Variants in RPGRIP1L observed in about 807,000 individuals in gnomAD.
RPGRIP1L encodes the protein protein fantom.
A neutral mutation model predicts 160.4 loss-of-function variants in RPGRIP1L; 131 were observed. The ratio of observed to expected loss-of-function variants is 0.82; its 90% CI spans 0.71 to 0.94. The LOEUF (loss-of-function observed/expected upper bound fraction) is 0.94. Among genes scored for constraint, RPGRIP1L ranks in the 40% least tolerant of loss-of-function variants. RPGRIP1L has a pLI of 0.00. For missense variants in RPGRIP1L, 1,522 were observed against 1,535.8 expected, an observed-to-expected ratio of 0.99 and a Z score of 0.15; for synonymous variants, 510 against 515.8, an observed-to-expected ratio of 0.99 and a Z score of 0.15.
chr16:53,660,147 G>A (rs1967649857), intron 10 of RPGRIP1L, among the ~76,000 whole-genome samples: 7 of 152,096 alleles, frequency 4.6e-5, no homozygotes, highest in Admixed American at 4.6e-4. Context: ...CACAGTATTT[G>A]ATAATCTCAC....
At chr16:53,667,952 G>A (rs1968410440) in intron 9 of RPGRIP1L, among the ~76,000 whole-genome samples, 1 of 151,980 alleles carries the variant, frequency 6.6e-6, no homozygotes, top group Non-Finnish European at 1.5e-5. Flanking sequence ...TAGCTACTTG[G>A]GAGGCTGAGG....
At chr16:53,622,802 CA>C (rs1555591450) in intron 22 of RPGRIP1L, among the ~76,000 whole-genome samples, 4 of 20,470 alleles carry the variant, frequency 2.0e-4, no homozygotes, top group Admixed American at 6.4e-4. Context: ...ACAAAAACCA[CA>C]CACACACACA....
chr16:53,626,114 C>T lies in RPGRIP1L; in HGVS notation c.3295-3758G>A, dbSNP rs147961919. 8.5e-3 allele frequency among the ~76,000 whole-genome samples: 1,119 copies of T among 131,980 alleles called. 13 individuals are homozygous for T. The highest frequency in any genetic ancestry group is 0.034 in the African/African-American group (1,072 of 31,912). 86.6% of individuals were successfully genotyped at this position (131,980 alleles called of 152,430 possible). On this transcript the variant is annotated intron_variant, in intron 22 of 26. Transcript: ENST00000647211. ...TATGACCCTGTCAAATCCCCCTCTCCGAGAAACAACCAAGAATGATCAATA... is the reference window on the plus strand; with the variant it reads ...TATGACCCTGTCAAATCCCCCTCTCTGAGAAACAACCAAGAATGATCAATA...
In RPGRIP1L at chr16:53,652,875, T is replaced by C. The variant is rs779429646; in HGVS notation, c.1812A>G (p.Glu604=). The C allele has an allele frequency of 2.7e-5, 43 of 1,612,656 alleles. No individual in the cohort carries two copies. In the Admixed American group the frequency reaches 6.9e-4, roughly 26 times the overall value. Residue 604 remains glutamate, a synonymous_variant, in exon 15 of 27, where the codon GAA becomes GAG. Transcript: ENST00000647211. ...FDETIHLERG[E]NLFEIHINKV... ...TGTTGATATGGATTTCAAATAGATT[T>C]TCGCCTCGTTCTAAGTGGATGGTTT...
chr16:53,685,843 C>T (rs2151314323), intron 6 of RPGRIP1L, among the ~76,000 whole-genome samples: 1 of 152,232 alleles, frequency 6.6e-6, no homozygotes. Flanking sequence ...CCTACACATC[C>T]TGTACATGTA....
intron 24 of RPGRIP1L, among the ~76,000 whole-genome samples, chr16:53,612,153 G>A (rs779622986): frequency 2.6e-5 from 4 of 152,142 alleles, no homozygotes; most frequent in South Asian, 2.1e-4. Flanking sequence ...TAAAGGTGGC[G>A]GGAGAGACAT....
chr16:53,658,382 C>G, intron 12 of RPGRIP1L, 32 bp downstream of exon 12: 1 of 1,530,646 alleles, frequency 6.5e-7, no homozygotes, highest in South Asian at 1.1e-5. Context: ...TGTATGCAGA[C>G]ATGAAAATCA....
intron 2 of RPGRIP1L, among the ~76,000 whole-genome samples, chr16:53,697,058 G>A (rs1598422538): frequency 6.6e-6 from 1 of 152,204 alleles, no homozygotes; most frequent in East Asian, 1.9e-4. Context: ...GCTGGGCATG[G>A]TGGCGGACAC....
chr16:53,613,523 C>T (rs1294746539), intron 24 of RPGRIP1L, among the ~76,000 whole-genome samples: 1 of 152,040 alleles, frequency 6.6e-6, no homozygotes, highest in African/African-American at 2.4e-5. Context: ...CACTATGTTG[C>T]CCAGGCTGAT....
At chr16:53,637,216 C>T (rs1965896649) in intron 21 of RPGRIP1L, among the ~76,000 whole-genome samples, 1 of 152,136 alleles carries the variant, frequency 6.6e-6, no homozygotes, top group East Asian at 1.9e-4. Flanking sequence ...ACAGTTAAGA[C>T]AGTGAACATG....
At chr16:53,659,296 ACTTAGC>A in intron 10 of RPGRIP1L, 1 of 525,554 alleles carries the variant, frequency 1.9e-6, no homozygotes, top group Non-Finnish European at 2.5e-6. Context: ...TATTTTCCCA[ACTTAGC>A]ATATAGTATT....
intron 7 of RPGRIP1L, among the ~76,000 whole-genome samples, 169 bp from the exon 8 acceptor site, chr16:53,673,185 G>T (rs150318278): frequency 6.6e-6 from 1 of 152,118 alleles, no homozygotes. Context: ...CTACTTATCC[G>T]TAGGAGACGC....
intron 22 of RPGRIP1L, chr16:53,635,663 G>A (rs1224220598): frequency 6.6e-6 from 1 of 152,072 alleles, no homozygotes; most frequent in Non-Finnish European, 1.5e-5. Flanking sequence ...CTAAGAATGT[G>A]TGAAGGAAGA....
intron 26 of RPGRIP1L, among the ~76,000 whole-genome samples, chr16:53,603,049 G>A (rs1457304854): frequency 1.2e-4 from 18 of 152,172 alleles, no homozygotes; most frequent in Admixed American, 1.2e-3. Context: ...ACTTTCAGTG[G>A]TGTCCCAAAG....
chr16:53,605,566 C>T lies in RPGRIP1L; in HGVS notation c.3750G>A (p.Leu1250=), dbSNP rs768894462. ...VSDPPEDEQD[L]ECEDIGVAHV... is the part of the protein sequence containing the mutation. ...GAGCCACGCCAATGTCCTCACACTC[C>T]AGGTCCTGCTCGTCCTCTGGAGGGT... Residue 1250 remains leucine (L), a synonymous_variant, in exon 26 of 27, where the codon CTG becomes CTA. Transcript: ENST00000647211. 6.2e-7 allele frequency: 1 copy of T among 1,614,116 alleles called. No homozygotes were observed. Among genetic ancestry groups the T allele is most frequent in the South Asian group, 1.1e-5 (1 of 91,074 alleles).
rs111355563 is a variant in RPGRIP1L, at chr16:53,605,973, C to T, written c.3702-359G>A. Among the ~76,000 whole-genome samples the T allele has an allele frequency of 1.7e-4, 26 of 152,236 alleles. 2 individuals are homozygous for T. The highest frequency in any genetic ancestry group is 5.2e-4 in the Admixed American group (8 of 15,290). On this transcript the variant is annotated intron_variant, in intron 25 of 26. Transcript: ENST00000647211. ...CTAAAAGGATGAAGTGAATAAAGAC[C>T]ATGGAGGTTAAATGGTCAGCATTTT...
At chr16:53,638,642 T>C (rs566515263) in intron 19 of RPGRIP1L, among the ~76,000 whole-genome samples, 3 of 151,550 alleles carry the variant, frequency 2.0e-5, no homozygotes, top group African/African-American at 7.2e-5. Context: ...AAGCACTGTT[T>C]ACAATAGCAA....
intron 23 of RPGRIP1L, 122 bp from the exon 24 acceptor site, chr16:53,619,330 A>C: frequency 3.8e-6 from 3 of 799,856 alleles, no homozygotes; most frequent in South Asian, 1.5e-5. Context: ...TCTTTTCTTG[A>C]ATGCAATGTA....
intron 9 of RPGRIP1L, 128 bp from the exon 10 acceptor site, chr16:53,665,137 T>C (rs1968134333): frequency 8.5e-7 from 1 of 1,178,558 alleles, no homozygotes; most frequent in African/African-American, 1.5e-5. Flanking sequence ...AAACATATGC[T>C]GGTCTGCTGC....
Sources: gnomAD v4.1 joint callset for allele counts (sites outside exome capture counted in the v4.1 genomes callset) on GRCh38, gnomAD v4.1.1 for gene constraint, MANE v1.5 for transcripts, NCBI Gene and HGNC (gene_info 2026-07-23, HGNC 2026-07-21) for gene names.